FBXO36: variants seen among roughly 807,000 people sequenced by gnomAD.
FBXO36 encodes the protein F-box only protein 36.
In FBXO36, 18 loss-of-function variants were observed where a neutral mutation model predicts 17.0. The ratio of observed to expected loss-of-function variants is 1.06; its 90% CI spans 0.73 to 1.57. FBXO36 has a LOEUF of 1.57. Ranked by LOEUF, FBXO36 falls within the 40% of genes most tolerant of loss-of-function variation. FBXO36 has a pLI of 0.00. For missense variants in FBXO36, 229 were observed against 221.9 expected, an observed-to-expected ratio of 1.03 and a Z score of -0.20; for synonymous variants, 83 against 85.3, an observed-to-expected ratio of 0.97 and a Z score of 0.15.
intron 1 of FBXO36, among the ~76,000 whole-genome samples, chr2:229,954,228 C>A: frequency 1.7e-5 from 1 of 60,110 alleles, no homozygotes; most frequent in Non-Finnish European, 3.7e-5. Context: ...ATTACAAACC[C>A]TTTGGATTTT....
chr2:229,928,752 G>A (rs2076924756), intron 1 of FBXO36, among the ~76,000 whole-genome samples: 1 of 152,054 alleles, frequency 6.6e-6, no homozygotes, highest in Non-Finnish European at 1.5e-5. Flanking sequence ...AAATTTTAAG[G>A]AGGATTTTTG....
chr2:229,932,807 C>T lies in FBXO36; in HGVS notation c.96+10198C>T, dbSNP rs944245540. On this transcript the variant is annotated intron_variant, in intron 1 of 3. Coordinates refer to ENST00000283946, the MANE Select transcript of FBXO36 (RefSeq NM_174899.5). Reference sequence around the variant, plus strand: ...TTGCATAGCCGGGCGCAGTGGCTTACGCCTGTAATCCCAGCACTTTGGGAG... The same window carrying T: ...TTGCATAGCCGGGCGCAGTGGCTTATGCCTGTAATCCCAGCACTTTGGGAG... 18 of 207,478 alleles carry T rather than the reference C, an allele frequency of 8.7e-5. No homozygotes were observed. The East Asian group carries it at 2.7e-3, about 31-fold the overall frequency. 12.9% of individuals were successfully genotyped at this position (207,478 alleles called of 1,614,324 possible).
chr2:229,922,579 C>G lies in FBXO36; in HGVS notation c.66C>G (p.Asp22Glu), dbSNP rs1417932696. The change falls in exon 1 of 4, where the codon GAC (aspartate) becomes GAG (glutamate). Residue 22 changes from aspartate (D) to glutamate (E), a missense_variant. Asp to Glu is a conservative substitution (Grantham distance 45). Coordinates refer to ENST00000283946, the MANE Select transcript of FBXO36 (RefSeq NM_174899.5). ...TVGQGPPPSK[D>E]YYQLLVTRSQ... ...GACAAGGCCCGCCGCCTAGCAAAGA[C>G]TATTACCAGTTACTGGTCACCCGGT... The G allele has an allele frequency of 1.2e-6, 2 of 1,614,114 alleles. No homozygotes were observed. Among genetic ancestry groups the G allele is most frequent in the Admixed American group, 3.3e-5 (2 of 60,032 alleles).
chr2:229,941,203 T>G (rs2076996594), intron 1 of FBXO36, among the ~76,000 whole-genome samples: 1 of 151,946 alleles, frequency 6.6e-6, no homozygotes. Context: ...CGCCTGTAAT[T>G]CCAGCACTTT....
At chr2:229,972,367 G>C (rs908879271) in intron 1 of FBXO36, among the ~76,000 whole-genome samples, 1 of 152,106 alleles carries the variant, frequency 6.6e-6, no homozygotes, top group Non-Finnish European at 1.5e-5. Context: ...ACTGAAAGCT[G>C]AAATAATTAT....
At position 229,958,257 on chromosome 2, in the gene FBXO36, C is replaced by CTTTTTTTTTTT. The variant is rs1161188534; in HGVS notation, c.97-17967_97-17957dup. ...ATTGTTTACAGAGAGCTCTGACTTT[C>CTTTTTTTTTTT]TTTTTTTTTTTTTTTTTTTTTTTTT... On this transcript the variant is annotated intron_variant, in intron 1 of 3. Transcript: ENST00000283946. Among the ~76,000 whole-genome samples the CTTTTTTTTTTT allele has an allele frequency of 6.4e-5, 5 of 78,682 alleles. 2 individuals carry two copies. The highest frequency in any genetic ancestry group is 1.2e-4 in the Non-Finnish European group (5 of 40,924). 51.6% of individuals were successfully genotyped at this position (78,682 alleles called of 152,430 possible). A position where few individuals can be genotyped will look rare whatever the true frequency, so the allele number is the denominator to read the frequency against.
intron 2 of FBXO36, among the ~76,000 whole-genome samples, chr2:229,987,081 G>GTGT (rs1162914339): frequency 6.6e-6 from 1 of 151,520 alleles, no homozygotes; most frequent in Non-Finnish European, 1.5e-5. Context: ...TTAGCCAGGC[G>GTGT]TGTTGGCGCA....
chr2:230,004,925 GA>G (rs1239605129), intron 3 of FBXO36, among the ~76,000 whole-genome samples: 2 of 152,100 alleles, frequency 1.3e-5, no homozygotes, highest in East Asian at 3.9e-4. Flanking sequence ...AGAATCGCTT[GA>G]ACCCAGAAGG....
intron 1 of FBXO36, among the ~76,000 whole-genome samples, chr2:229,968,415 T>A (rs1439152521): frequency 2.6e-5 from 4 of 152,178 alleles, no homozygotes; most frequent in Non-Finnish European, 5.9e-5. Flanking sequence ...TAAACTGTCT[T>A]AAACATATAA....
chr2:230,010,236 G>C (rs1204816213), intron 3 of FBXO36, among the ~76,000 whole-genome samples: 1 of 152,098 alleles, frequency 6.6e-6, no homozygotes, highest in Non-Finnish European at 1.5e-5. Flanking sequence ...ACTCCAGCCT[G>C]GGCAACAAGA....
At chr2:229,952,823 A>G (rs2077064122) in intron 1 of FBXO36, among the ~76,000 whole-genome samples, 1 of 152,168 alleles carries the variant, frequency 6.6e-6, no homozygotes, top group Admixed American at 6.5e-5. Flanking sequence ...CGAACTACAG[A>G]TGGGATGGAC....
At position 230,011,741 on chromosome 2, in the gene FBXO36, T is replaced by C. The variant is rs2077417420; in HGVS notation, c.*857T>C. ...GGGATTACAGGCATGAGCCACTATGTCTGGCTAAAACCTATAAACATTTCT... is the reference window on the plus strand; with the variant it reads ...GGGATTACAGGCATGAGCCACTATGCCTGGCTAAAACCTATAAACATTTCT... On this transcript the variant is annotated 3_prime_UTR_variant, in exon 4 of 4. Coordinates refer to ENST00000283946, the MANE Select transcript of FBXO36 (RefSeq NM_174899.5). 6.6e-6 allele frequency: 1 copy of C among 152,048 alleles called. No individual in the cohort carries two copies. Among genetic ancestry groups the C allele is most frequent in the Admixed American group, 6.6e-5 (1 of 15,250 alleles). The allele number at this position is 152,048 out of a possible 1,614,324, so 9.4% of individuals were successfully genotyped here.
At chr2:229,980,665 T>C (rs149316111) in intron 2 of FBXO36, among the ~76,000 whole-genome samples, 29 of 152,140 alleles carry the variant, frequency 1.9e-4, no homozygotes, top group Non-Finnish European at 3.7e-4. Context: ...TCAGGATAAC[T>C]ACTTGAGGGG....
chr2:229,966,526 A>T (rs1186451789), intron 1 of FBXO36, among the ~76,000 whole-genome samples: 1 of 152,196 alleles, frequency 6.6e-6, no homozygotes, highest in Non-Finnish European at 1.5e-5. Context: ...CTAACATTTA[A>T]GTCTTTAATC....
chr2:229,936,060 C>T (rs972188326), intron 1 of FBXO36, among the ~76,000 whole-genome samples: 10 of 152,130 alleles, frequency 6.6e-5, no homozygotes, highest in Middle Eastern at 6.8e-3. Context: ...TGGTGGTGGA[C>T]GCTTGTAATC....
rs2077423535 is a variant in FBXO36, at chr2:230,013,019, C to A, written c.*2135C>A. On this transcript the variant is annotated 3_prime_UTR_variant, in exon 4 of 4. Coordinates refer to ENST00000283946, the MANE Select transcript of FBXO36 (RefSeq NM_174899.5). ...TATAAAAATGTTATAAAAATAAATG[C>A]TAAAGTAAATAAAAAAAGAGCCATT... 6.6e-6 allele frequency: 1 copy of A among 150,470 alleles called. No homozygotes were observed. Among genetic ancestry groups the A allele is most frequent in the Non-Finnish European group, 1.5e-5 (1 of 67,604 alleles). 9.3% of individuals were successfully genotyped at this position (150,470 alleles called of 1,614,324 possible).
intron 2 of FBXO36, among the ~76,000 whole-genome samples, chr2:229,993,464 A>C (rs2077308673): frequency 1.3e-5 from 2 of 152,152 alleles, no homozygotes; most frequent in African/African-American, 4.8e-5. Flanking sequence ...CTTTGTTAAT[A>C]GGGCAGCCCT....
At chr2:229,936,430 T>A (rs1228674858) in intron 1 of FBXO36, among the ~76,000 whole-genome samples, 1 of 152,206 alleles carries the variant, frequency 6.6e-6, no homozygotes, top group Non-Finnish European at 1.5e-5. Flanking sequence ...TTTACAGATT[T>A]TATCTGTATC....
intron 2 of FBXO36, among the ~76,000 whole-genome samples, chr2:229,986,098 G>T (rs957996379): frequency 3.3e-5 from 5 of 152,062 alleles, no homozygotes; most frequent in African/African-American, 1.2e-4. Flanking sequence ...ATGAAAATAA[G>T]TCTCCCTCTG....
Sources: gnomAD v4.1 joint callset for allele counts (sites outside exome capture counted in the v4.1 genomes callset) on GRCh38, gnomAD v4.1.1 for gene constraint, MANE v1.5 for transcripts, NCBI Gene and HGNC (gene_info 2026-07-23, HGNC 2026-07-21) for gene names.